DOK7: variants seen among roughly 807,000 people sequenced by gnomAD.
DOK7 encodes the protein protein Dok-7.
A neutral mutation model predicts 30.7 loss-of-function variants in DOK7; 32 were observed. That is an observed-to-expected ratio of 1.04 (90% CI 0.79 to 1.40). DOK7 has a LOEUF of 1.40. DOK7 is among the 40% of genes most tolerant of loss of function. The pLI is 0.00. For missense variants in DOK7, 1,007 were observed against 699.2 expected (o/e 1.44, Z -4.97); for synonymous variants, 447 against 324.1 (o/e 1.38, Z -4.07).
downstream of DOK7, among the ~76,000 whole-genome samples, chr4:3,498,990 C>G (rs534069074): frequency 1.7e-4 from 26 of 152,344 alleles, no homozygotes; most frequent in African/African-American, 5.8e-4. Flanking sequence ...CTCAGTTTCC[C>G]CACTGGGAGC....
At chr4:3,478,562 G>A (rs77338536) in intron 4 of DOK7, among the ~76,000 whole-genome samples, 15,439 of 77,582 alleles carry the variant, frequency 0.2, 982 homozygotes, top group African/African-American at 0.29. Flanking sequence ...CAAACCTGCA[G>A]ACTGGGCTGG....
downstream of DOK7, chr4:3,501,474 A>G (rs1334590431): frequency 6.5e-6 from 1 of 152,684 alleles, no homozygotes; most frequent in African/African-American, 2.4e-5. Flanking sequence ...CCAGTCATGT[A>G]AAGAGCCATT....
intron 2 of DOK7, among the ~76,000 whole-genome samples, chr4:3,467,862 C>T (rs73195119): frequency 0.15 from 22,455 of 152,150 alleles, 2,014 homozygotes; most frequent in South Asian, 0.33. Context: ...GCATAGGTGG[C>T]GCTTTCTCTG....
intron 5 of DOK7, among the ~76,000 whole-genome samples, chr4:3,488,925 T>C (rs935668611): frequency 1.3e-5 from 2 of 152,220 alleles, no homozygotes; most frequent in African/African-American, 4.8e-5. Context: ...ACTTAGTGCC[T>C]GGGACATCCC....
downstream of DOK7, chr4:3,494,497 TCC>T: frequency 2.0e-6 from 2 of 985,534 alleles, no homozygotes; most frequent in Non-Finnish European, 2.4e-6. Flanking sequence ...CTTGTCCTAG[TCC>T]GTTGCCCAGC....
rs13132186 is a variant in DOK7 at position 3,500,232 on chromosome 4, A to G, written c.1109-19A>G. 192,199 of 1,533,688 alleles carry G rather than the reference A, an allele frequency of 0.13. 12,766 individuals carry two copies. Among genetic ancestry groups the G allele is most frequent in the Middle Eastern group, 0.16 (951 of 5,974 alleles). On this transcript the variant is annotated intron_variant, in intron 6 of 7. Coordinates refer to the DOK7 transcript ENST00000643608. ...CCCTCTCGGTCCCCACCGGGGCTTCACAGCCGCTCCCCCCACAGGATCCCC... is the reference window on the plus strand; with the variant it reads ...CCCTCTCGGTCCCCACCGGGGCTTCGCAGCCGCTCCCCCCACAGGATCCCC...
chr4:3,495,363 G>A (rs893996920), downstream of DOK7, among the ~76,000 whole-genome samples: 1 of 152,344 alleles, frequency 6.6e-6, no homozygotes, highest in East Asian at 1.9e-4. Context: ...GTTCCCACGG[G>A]TCGCCTGCCC....
chr4:3,468,503 CGTGTGT>C (rs1046978978), intron 2 of DOK7, among the ~76,000 whole-genome samples: 1 of 102,528 alleles, frequency 9.8e-6, no homozygotes, highest in East Asian at 2.4e-4. Flanking sequence ...TGTGCATGTG[CGTGTGT>C]GCGTGTATGA....
At chr4:3,491,940 C>T (rs1208889957) in intron 6 of DOK7, among the ~76,000 whole-genome samples, 1 of 152,234 alleles carries the variant, frequency 6.6e-6, no homozygotes, top group African/African-American at 2.4e-5. Context: ...GCCCTCTGAT[C>T]ACTGCTTGTC....
chr4:3,471,562 C>A (rs1281632303), intron 2 of DOK7, among the ~76,000 whole-genome samples: 1 of 152,282 alleles, frequency 6.6e-6, no homozygotes, highest in Non-Finnish European at 1.5e-5. Context: ...TCCTCCGGCT[C>A]AAGCGGCCCT....
At chr4:3,491,821 T>A (rs1728483655) in intron 6 of DOK7, among the ~76,000 whole-genome samples, 1 of 152,066 alleles carries the variant, frequency 6.6e-6, no homozygotes, top group African/African-American at 2.4e-5. Context: ...GAGGTGGTGG[T>A]GGAAGGGGCT....
downstream of DOK7, among the ~76,000 whole-genome samples, chr4:3,496,265 T>A (rs1216892346): frequency 1.3e-5 from 2 of 152,182 alleles, no homozygotes; most frequent in African/African-American, 4.8e-5. Context: ...GAAGGTCGCC[T>A]GCAGTGTCAG....
chr4:3,468,843 ATG>A (rs1199110551), intron 2 of DOK7, among the ~76,000 whole-genome samples: 25 of 125,808 alleles, frequency 2.0e-4, no homozygotes, highest in African/African-American at 7.1e-4. Flanking sequence ...GTGTGCGTGT[ATG>A]TGTGTGCGCG....
chr4:3,492,152 T>TGGCCTGGCAGGCGGGAGGC (rs1728508806), intron 6 of DOK7, among the ~76,000 whole-genome samples: 2 of 152,138 alleles, frequency 1.3e-5, no homozygotes, highest in South Asian at 4.1e-4. Context: ...GGGAGGGGCC[T>TGGCCTGGCAGGCGGGAGGC]GGCCTGGCAG....
At chr4:3,498,346 C>T (rs116274888), downstream of DOK7, among the ~76,000 whole-genome samples, 1,500 of 152,188 alleles carry the variant, frequency 9.9e-3, 27 homozygotes, top group African/African-American at 0.035. Flanking sequence ...TTACAGCCCC[C>T]GTGTGACTCC....
chr4:3,500,109 A>G, intron 6 of DOK7: 1 of 1,017,070 alleles, frequency 9.8e-7, no homozygotes, highest in Non-Finnish European at 1.4e-6. Context: ...GGTCAGGAAC[A>G]TGGAGCGGGA....
intron 3 of DOK7, among the ~76,000 whole-genome samples, chr4:3,475,264 C>T (rs554740783): frequency 2.0e-5 from 3 of 152,270 alleles, no homozygotes; most frequent in Admixed American, 6.5e-5. Context: ...CATCCGCTGG[C>T]GCAGGGCCAT....
intron 5 of DOK7, among the ~76,000 whole-genome samples, chr4:3,487,572 G>A (rs909465179): frequency 1.4e-4 from 21 of 152,292 alleles, no homozygotes; most frequent in Admixed American, 1.3e-3. Context: ...AGAGGTCTGG[G>A]GTCCACCATG....
At chr4:3,492,656 G>A (rs1280684324) in intron 6 of DOK7, 103 bp from the exon 7 acceptor site, 47 of 1,521,016 alleles carry the variant, frequency 3.1e-5, no homozygotes, top group South Asian at 1.5e-4. Context: ...GGGGTGGGGC[G>A]AGACCAGAGA....
Sources: allele counts gnomAD v4.1 joint callset (sites outside exome capture counted in the v4.1 genomes callset), GRCh38; gene constraint gnomAD v4.1.1; transcripts MANE v1.5; gene names NCBI Gene and HGNC (gene_info 2026-07-23, HGNC 2026-07-21).